The following WDR33 variants were observed in gnomAD, a reference collection of about 807,000 sequenced individuals.
WDR33 encodes the protein pre-mRNA 3' end processing protein WDR33.
WDR33 carries 47 observed loss-of-function variants against 164.9 expected under a neutral mutation model. The observed-to-expected ratio is 0.29, with a 90% CI of 0.23 to 0.36. The LOEUF (loss-of-function observed/expected upper bound fraction) is 0.36, where lower values mean the gene tolerates loss of function less well. WDR33 is among the 10% of genes least tolerant of loss of function. The pLI is 1.00. For missense variants in WDR33, 1,137 were observed against 1,754.1 expected (o/e 0.65, Z 6.28); for synonymous variants, 505 against 589.0 (o/e 0.86, Z 2.06).
chr2:127,722,097 TTTTA>T lies in WDR33; in HGVS notation c.1519-113_1519-110del. 1.1e-5 allele frequency: 14 copies of T among 1,233,832 alleles called. No individual in the cohort carries two copies. The highest frequency in any genetic ancestry group is 1.4e-5 in the Non-Finnish European group (13 of 899,918). 76.4% of individuals were successfully genotyped at this position (1,233,832 alleles called of 1,614,324 possible). A position where few individuals can be genotyped will look rare whatever the true frequency, so the allele number is the denominator to read the frequency against. On this transcript the variant is annotated intron_variant, in intron 14 of 21. Transcript: ENST00000322313. The surrounding 1 kb of genome is among the most constrained non-coding windows in gnomAD (Gnocchi z 5.1). ...CTGCTCAATCTAACCTCTGAACCGA[TTTTA>T]TTTCTTTTTACCTTTTCTCCATGAC...
At chr2:127,778,162 G>T (rs1000079653) in intron 1 of WDR33, among the ~76,000 whole-genome samples, 5 of 152,084 alleles carry the variant, frequency 3.3e-5, no homozygotes, top group African/African-American at 4.8e-5. Context: ...TTGGCTGGGT[G>T]CAGTGGCTCA....
Position 127,763,821 on chromosome 2 carries a change from T to C in WDR33, c.627-662A>G, listed in dbSNP as rs1687748365. 1.0e-6 allele frequency: 1 copy of C among 985,486 alleles called. No homozygotes were observed. The highest frequency in any genetic ancestry group is 1.7e-5 in the African/African-American group (1 of 57,240). 61.0% of individuals were successfully genotyped at this position (985,486 alleles called of 1,614,324 possible). ...AGTTTTTCCCAGCAGTGAAAGATCA[T>C]CAAGTTTCTCAACTAACTCTAAAAA... On this transcript the variant is annotated intron_variant, in intron 6 of 21. Transcript: ENST00000322313. The surrounding 1 kb of genome is among the most constrained non-coding windows in gnomAD (Gnocchi z 4.5).
intron 7 of WDR33, among the ~76,000 whole-genome samples, chr2:127,740,394 C>T (rs1312777792): frequency 6.6e-6 from 1 of 151,834 alleles, no homozygotes; most frequent in Non-Finnish European, 1.5e-5. Flanking sequence ...TCTCTACACA[C>T]ACGCACACAT....
In WDR33 at chr2:127,701,418, G is replaced by A; in HGVS notation, c.*4905C>T. ...CGCGGCACTTCCGCGAGCGCCGCAG[G>A]CCCTGCCCCTTTCGCCGTCGCCGAC... On this transcript the variant is annotated 3_prime_UTR_variant, in exon 22 of 22. Transcript: ENST00000322313. 1 of 1,086,760 alleles carries A rather than the reference G, an allele frequency of 9.2e-7. No individual in the cohort carries two copies. 67.3% of individuals were successfully genotyped at this position (1,086,760 alleles called of 1,614,324 possible).
In WDR33 at chr2:127,721,026, A is replaced by G. The variant is rs1040895376; in HGVS notation, c.1672-673T>C. Among the ~76,000 whole-genome samples the G allele has an allele frequency of 5.9e-5, 9 of 152,214 alleles. No individual in the cohort carries two copies. Among genetic ancestry groups the G allele is most frequent in the Non-Finnish European group, 8.8e-5 (6 of 68,046 alleles). On this transcript the variant is annotated intron_variant, in intron 15 of 21. Coordinates refer to ENST00000322313, the MANE Select transcript of WDR33 (RefSeq NM_018383.5). The surrounding 1 kb of genome is among the most constrained non-coding windows in gnomAD (Gnocchi z 4.9). ...CATAAACAGGTGAATTCAAATTAAA[A>G]CTATGTTGGCTTTATCTTTTCTATT... is the stretch of plus-strand genomic sequence containing the variant.
At chr2:127,733,885 C>T (rs1232256712) in intron 7 of WDR33, among the ~76,000 whole-genome samples, 2 of 152,160 alleles carry the variant, frequency 1.3e-5, no homozygotes, top group Non-Finnish European at 2.9e-5. Context: ...CTATCCAGCC[C>T]TCTAACTCTG....
chr2:127,754,180 C>G (rs756249542), intron 7 of WDR33, among the ~76,000 whole-genome samples: 3 of 152,188 alleles, frequency 2.0e-5, no homozygotes, highest in Admixed American at 6.5e-5. Context: ...AATGTCTCAA[C>G]AGAGGTTGGC....
chr2:127,776,823 C>A (rs1011129144), intron 1 of WDR33, among the ~76,000 whole-genome samples: 1 of 152,236 alleles, frequency 6.6e-6, no homozygotes, highest in Admixed American at 6.5e-5. Flanking sequence ...CAAGTCATTA[C>A]AACTATCCTC....
At chr2:127,757,215 A>T (rs182056058) in intron 7 of WDR33, among the ~76,000 whole-genome samples, 1 of 152,208 alleles carries the variant, frequency 6.6e-6, no homozygotes, top group Non-Finnish European at 1.5e-5. Context: ...TTTATATTCA[A>T]TAAGTTTTGG....
At position 127,719,539 on chromosome 2, in the gene WDR33, C is replaced by A. The variant is rs998788493; in HGVS notation, c.2486G>T (p.Gly829Val). ...CTGCATGCCTCGGATCTCCTGAGGA[C>A]CTCTCATTTCCTGAGGGCCGTGTCC... ...LLGHGPQEMRGPQEIRGMQGP... is the reference protein window; with the variant it reads ...LLGHGPQEMRVPQEIRGMQGP... The change falls in exon 16 of 22, where the codon GGT (glycine) becomes GTT (valine). Residue 829 changes from glycine (G) to valine (V), a missense_variant. By Grantham distance (109) the Gly-to-Val change is moderately radical (BLOSUM62 -3). Coordinates refer to ENST00000322313, the MANE Select transcript of WDR33 (RefSeq NM_018383.5). This position sits in a 1 kb window ranked among gnomAD's most constrained non-coding sequence, Gnocchi z 6.5. 5 of 1,613,836 alleles carry A rather than the reference C, an allele frequency of 3.1e-6. No individual in the cohort carries two copies.
intron 1 of WDR33, among the ~76,000 whole-genome samples, chr2:127,789,656 G>A (rs1450929416): frequency 1.3e-5 from 2 of 151,698 alleles, no homozygotes; most frequent in Non-Finnish European, 2.9e-5. Flanking sequence ...GTCCAGCTTC[G>A]GCTCCGCATC....
chr2:127,791,828 A>G (rs1204241253), intron 1 of WDR33, among the ~76,000 whole-genome samples: 1 of 152,070 alleles, frequency 6.6e-6, no homozygotes, highest in Non-Finnish European at 1.5e-5. Context: ...TACCTACTAC[A>G]GTTTGGTAGC....
intron 1 of WDR33, among the ~76,000 whole-genome samples, chr2:127,800,450 T>C (rs181367665): frequency 6.1e-4 from 92 of 151,976 alleles, no homozygotes; most frequent in Admixed American, 1.9e-3. Context: ...CTGGCTAACA[T>C]GGTGAAACCC....
chr2:127,753,233 A>C lies in WDR33; in HGVS notation c.724+9829T>G, dbSNP rs563772983. On this transcript the variant is annotated intron_variant, in intron 7 of 21. Transcript: ENST00000322313. ...TGAGCCACCACGCATAGCCCTTTTA[A>C]AGGACTTCAAAAAGACCAATTCTAA... Among the ~76,000 whole-genome samples, 4 of 152,324 alleles carry C rather than the reference A, an allele frequency of 2.6e-5. No homozygotes were observed. In the South Asian group the frequency reaches 6.2e-4, roughly 24 times the overall value.
At chr2:127,707,912 T>TCACACCACTG (rs1238536353) in intron 21 of WDR33, among the ~76,000 whole-genome samples, 1 of 151,836 alleles carries the variant, frequency 6.6e-6, no homozygotes, top group Non-Finnish European at 1.5e-5. Flanking sequence ...TAAGCCAAGA[T>TCACACCACTG]CACACCACTG....
In WDR33 at chr2:127,764,276, T is replaced by C; in HGVS notation, c.626+552A>G. On this transcript the variant is annotated intron_variant, in intron 6 of 21. Transcript: ENST00000322313. The surrounding 1 kb of genome is among the most constrained non-coding windows in gnomAD (Gnocchi z 6.2). Reference sequence around the variant, plus strand: ...TTCTTGACAATGATCTGCTTACAGCTGCAAAGCTTGAAGAACCCATTCATT... The same window carrying C: ...TTCTTGACAATGATCTGCTTACAGCCGCAAAGCTTGAAGAACCCATTCATT... 1 of 1,259,204 alleles carries C rather than the reference T, an allele frequency of 7.9e-7. No homozygotes were observed. Among genetic ancestry groups the C allele is most frequent in the Non-Finnish European group, 1.0e-6 (1 of 1,000,756 alleles). 78.0% of individuals were successfully genotyped at this position (1,259,204 alleles called of 1,614,324 possible). A position where few individuals can be genotyped will look rare whatever the true frequency, so the allele number is the denominator to read the frequency against.
intron 1 of WDR33, among the ~76,000 whole-genome samples, chr2:127,778,112 A>G (rs115813540): frequency 2.2e-4 from 34 of 152,266 alleles, no homozygotes; most frequent in African/African-American, 7.9e-4. Context: ...TAGGCAGAAT[A>G]GCAAGACCCC....
At chr2:127,707,435 A>C (rs1308147220) in intron 21 of WDR33, among the ~76,000 whole-genome samples, 1 of 152,166 alleles carries the variant, frequency 6.6e-6, no homozygotes, top group East Asian at 1.9e-4. Flanking sequence ...CCAAAGGAAC[A>C]ATCTTGGCTT....
At chr2:127,748,775 G>T (rs982246105) in intron 7 of WDR33, among the ~76,000 whole-genome samples, 1 of 151,454 alleles carries the variant, frequency 6.6e-6, no homozygotes, top group South Asian at 2.1e-4. Context: ...CTGAGACAGG[G>T]TCTCATTCTG....
Sources: allele counts gnomAD v4.1 joint callset (sites outside exome capture counted in the v4.1 genomes callset), GRCh38; gene constraint gnomAD v4.1.1; non-coding constraint Gnocchi (gnomAD v3.1); transcripts MANE v1.5; gene names NCBI Gene and HGNC (gene_info 2026-07-23, HGNC 2026-07-21).